TNNC2: variants seen among roughly 807,000 people sequenced by gnomAD.
TNNC2 encodes troponin C2, fast skeletal type.
TNNC2 carries 14 observed loss-of-function variants against 20.0 expected under a neutral mutation model. The ratio of observed to expected loss-of-function variants is 0.70; its 90% CI spans 0.46 to 1.09. The LOEUF is 1.09. Among genes scored for constraint, TNNC2 ranks in the 50% least tolerant of loss-of-function variants. The probability of loss-of-function intolerance (pLI) is 0.00; values close to 1 mark genes in which losing one functional copy is unlikely to be tolerated. For synonymous variants in TNNC2, 81 were observed against 77.3 expected (o/e 1.05, Z -0.25); for missense variants, 163 against 223.8 (o/e 0.73, Z 1.73).
At chr20:45,828,273 G>A (rs1179070797), upstream of TNNC2, among the ~76,000 whole-genome samples, 1 of 151,096 alleles carries the variant, frequency 6.6e-6, no homozygotes, top group East Asian at 2.0e-4. Flanking sequence ...CCTAGGCTCA[G>A]GGGATCCTTC....
chr20:45,824,103 C>G lies in TNNC2; in HGVS notation c.339G>C (p.Pro113=), dbSNP rs752044516. 6.2e-7 allele frequency: 1 copy of G among 1,613,936 alleles called. No individual in the cohort carries two copies. Among genetic ancestry groups the G allele is most frequent in the African/African-American group, 1.3e-5 (1 of 74,930 alleles). ...CCCTGAAAATCTCAGCCAGCTCCTC[C>G]GGGTCGATGTAGCCGTCTGCATTCC... ...FDRNADGYID[P]EELAEIFRAS... Residue 113 remains proline, a synonymous_variant, in exon 5 of 6, where the codon CCG becomes CCC. Transcript: ENST00000372555.
chr20:45,830,062 C>A (rs1347701484), upstream of TNNC2, among the ~76,000 whole-genome samples: 1 of 151,258 alleles, frequency 6.6e-6, no homozygotes, highest in Non-Finnish European at 1.5e-5. Flanking sequence ...AGGCTGGGCA[C>A]GGTGGCTCAT....
In TNNC2 at chr20:45,823,241, C is replaced by T; in HGVS notation, c.*107G>A. 1 of 1,114,050 alleles carries T rather than the reference C, an allele frequency of 9.0e-7. No homozygotes were observed. 69.0% of individuals were successfully genotyped at this position (1,114,050 alleles called of 1,614,324 possible). On this transcript the variant is annotated 3_prime_UTR_variant, in exon 6 of 6. Coordinates refer to ENST00000372555, the MANE Select transcript of TNNC2 (RefSeq NM_003279.3). This position sits in a 1 kb window ranked among gnomAD's most constrained non-coding sequence, Gnocchi z 4.6. Reference sequence around the variant, plus strand: ...TTGGAACATTTGCTTTTATTCCTTCCAGACAAAGACCCACAAGGGGTCGCG... The same window carrying T: ...TTGGAACATTTGCTTTTATTCCTTCTAGACAAAGACCCACAAGGGGTCGCG...
Position 45,827,283 on chromosome 20 carries a change from C to T in TNNC2, c.-35G>A, listed in dbSNP as rs748164656. The T allele has an allele frequency of 5.6e-6, 9 of 1,613,908 alleles. No homozygotes were observed. The highest frequency in any genetic ancestry group is 1.7e-5 in the Admixed American group (1 of 59,986). On this transcript the variant is annotated 5_prime_UTR_variant, in exon 1 of 6. Coordinates refer to ENST00000372555, the MANE Select transcript of TNNC2 (RefSeq NM_003279.3). ...TGACCGGGACTCCTCTGTTGCAGGT[C>T]GCCTCCTTTGCACTCCACCACCCAA...
chr20:45,829,735 G>A (rs1006545330), upstream of TNNC2, among the ~76,000 whole-genome samples: 7 of 149,934 alleles, frequency 4.7e-5, no homozygotes, highest in Non-Finnish European at 1.0e-4. Flanking sequence ...GCAGTGAGCC[G>A]AGATCACACC....
At chr20:45,830,085 A>T (rs1337417457), upstream of TNNC2, among the ~76,000 whole-genome samples, 1 of 151,792 alleles carries the variant, frequency 6.6e-6, no homozygotes, top group Admixed American at 6.6e-5. Context: ...CTGTAATCCC[A>T]GCATTTTGGG....
At position 45,824,332 on chromosome 20, in the gene TNNC2, T is replaced by C. The variant is rs1472874581; in HGVS notation, c.274A>G (p.Ser92Gly). 1.9e-6 allele frequency: 3 copies of C among 1,611,092 alleles called. No homozygotes were observed. Among genetic ancestry groups the C allele is most frequent in the Admixed American group, 1.7e-5 (1 of 60,006 alleles). The change falls in exon 4 of 6, where the codon AGC (serine) becomes GGC (glycine). Residue 92 changes from serine to glycine, a missense_variant. By Grantham distance (56) the Ser-to-Gly change is moderately conservative (BLOSUM62 0). Transcript: ENST00000372555. ...AAGCACTCGGCCAGCTCCTCCTCGC[T>C]CTTCCCTTTCGCGTCCTCTTTCATC... The part of the protein sequence containing the change: ...RQMKEDAKGK[S>G]EEELAECFRI...
upstream of TNNC2, among the ~76,000 whole-genome samples, chr20:45,828,910 C>G (rs948103592): frequency 6.6e-6 from 1 of 152,164 alleles, no homozygotes; most frequent in Non-Finnish European, 1.5e-5. Context: ...AGGCCTCCCC[C>G]AGGCAGGCAG....
At chr20:45,828,592 C>A (rs2145728856), upstream of TNNC2, among the ~76,000 whole-genome samples, 3 of 152,254 alleles carry the variant, frequency 2.0e-5, 1 homozygote, top group Admixed American at 2.0e-4. Context: ...GGACAGCTGG[C>A]CCCTTCCTAG....
upstream of TNNC2, among the ~76,000 whole-genome samples, chr20:45,828,790 G>A (rs955086044): frequency 1.7e-4 from 26 of 152,220 alleles, no homozygotes; most frequent in African/African-American, 4.8e-4. Context: ...GCCAGGAAAG[G>A]GGGGCTGGAC....
intron 2 of TNNC2, 67 bp from the exon 3 acceptor site, chr20:45,824,705 C>G (rs1477212092): frequency 3.2e-6 from 5 of 1,563,796 alleles, no homozygotes; most frequent in Non-Finnish European, 4.3e-6. Flanking sequence ...TACCCCCCCC[C>G]AACCCCCACC....
In TNNC2 at chr20:45,827,274, G is replaced by A. The variant is rs766233819; in HGVS notation, c.-26C>T. ...GGTTGCTGGTGACCGGGACTCCTCT[G>A]TTGCAGGTCGCCTCCTTTGCACTCC... On this transcript the variant is annotated 5_prime_UTR_variant, in exon 1 of 6. Transcript: ENST00000372555. 3.1e-6 allele frequency: 5 copies of A among 1,613,944 alleles called. No homozygotes were observed. The highest frequency in any genetic ancestry group is 2.5e-6 in the Non-Finnish European group (3 of 1,180,006).
upstream of TNNC2, among the ~76,000 whole-genome samples, chr20:45,829,132 CACT>C (rs564158682): frequency 1.5e-3 from 233 of 151,208 alleles, no homozygotes; most frequent in Admixed American, 0.014. Context: ...AGGCACATAC[CACT>C]ACGCCCAGCT....
At chr20:45,832,289 G>A (rs1167035939), upstream of TNNC2, among the ~76,000 whole-genome samples, 1 of 152,100 alleles carries the variant, frequency 6.6e-6, no homozygotes, top group Admixed American at 6.6e-5. Context: ...CAGCCTGGGC[G>A]ACAGAGCAAG....
At chr20:45,826,169 G>A (rs965418678) in intron 1 of TNNC2, among the ~76,000 whole-genome samples, 10 of 152,166 alleles carry the variant, frequency 6.6e-5, no homozygotes, top group African/African-American at 1.9e-4. Flanking sequence ...AATGGTGCCC[G>A]GTACTTTAAT....
upstream of TNNC2, among the ~76,000 whole-genome samples, chr20:45,829,785 CA>C (rs796645068): frequency 2.4e-3 from 313 of 130,410 alleles, no homozygotes; most frequent in Middle Eastern, 0.016. Context: ...GACCCCGTCT[CA>C]AAAAAAAAAA....
At chr20:45,824,915 C>G (rs1982929224) in intron 1 of TNNC2, 81 bp from the exon 2 acceptor site, 1 of 1,504,304 alleles carries the variant, frequency 6.6e-7, no homozygotes. Flanking sequence ...CTTCCCAACC[C>G]CCACTCTGTC....
At position 45,823,557 on chromosome 20, in the gene TNNC2, A is replaced by T. The variant is rs956043155; in HGVS notation, c.452-178T>A. On this transcript the variant is annotated intron_variant, in intron 5 of 5. Transcript: ENST00000372555. This position sits in a 1 kb window ranked among gnomAD's most constrained non-coding sequence, Gnocchi z 4.6. ...CAGGCTAGAGTGCAGTGGCACAATCATAACTCATTGCAGCCTTGATCTCCT... is the reference window on the plus strand; with the variant it reads ...CAGGCTAGAGTGCAGTGGCACAATCTTAACTCATTGCAGCCTTGATCTCCT... 1.3e-5 allele frequency among the ~76,000 whole-genome samples: 2 copies of T among 152,098 alleles called. No individual in the cohort carries two copies.
At chr20:45,829,861 C>G (rs1341720633), upstream of TNNC2, among the ~76,000 whole-genome samples, 4 of 151,538 alleles carry the variant, frequency 2.6e-5, no homozygotes, top group African/African-American at 7.3e-5. Flanking sequence ...CCTGCCTCAG[C>G]CTCCTAAAGT....
Sources: gnomAD v4.1 joint callset for allele counts (sites outside exome capture counted in the v4.1 genomes callset) on GRCh38, gnomAD v4.1.1 for gene constraint, Gnocchi (gnomAD v3.1) non-coding constraint, MANE v1.5 for transcripts, NCBI Gene and HGNC (gene_info 2026-07-23, HGNC 2026-07-21) for gene names.